Variants in SLCO5A1 observed in about 807,000 individuals in gnomAD.
SLCO5A1 encodes the protein solute carrier organic anion transporter family member 5A1.
A neutral mutation model predicts 65.1 loss-of-function variants in SLCO5A1; 39 were observed. The ratio of observed to expected loss-of-function variants is 0.60; its 90% confidence interval spans 0.46 to 0.78. SLCO5A1 has a LOEUF of 0.78. Among genes scored for constraint, SLCO5A1 ranks in the 30% least tolerant of loss-of-function variants. SLCO5A1 has a pLI of 0.00. For missense variants in SLCO5A1, 1,029 were observed against 1,069.4 expected (o/e 0.96, Z 0.53); for synonymous variants, 438 against 415.7 (o/e 1.05, Z -0.65).
chr8:69,727,537 C>T, intron 5 of SLCO5A1, among the ~76,000 whole-genome samples: 1 of 152,174 alleles, frequency 6.6e-6, no homozygotes, highest in Non-Finnish European at 1.5e-5. Flanking sequence ...ATCAACTCTT[C>T]ACTGGAGAGA....
intron 5 of SLCO5A1, among the ~76,000 whole-genome samples, chr8:69,708,525 A>T (rs1187633018): frequency 6.6e-6 from 1 of 151,142 alleles, no homozygotes; most frequent in Non-Finnish European, 1.5e-5. Context: ...GTGCCATTGC[A>T]CTCCAGACTG....
chr8:69,766,908 A>C (rs1173634710), intron 2 of SLCO5A1, among the ~76,000 whole-genome samples: 1 of 152,190 alleles, frequency 6.6e-6, no homozygotes, highest in South Asian at 2.1e-4. Context: ...CACTGCTCCC[A>C]TTCAGCCAGT....
intron 2 of SLCO5A1, among the ~76,000 whole-genome samples, chr8:69,788,609 TATG>T (rs200199233): frequency 0.012 from 1,753 of 152,298 alleles, 28 homozygotes; most frequent in African/African-American, 0.038. Flanking sequence ...GCTAGAGTGA[TATG>T]ATAATCACCC....
intron 2 of SLCO5A1, among the ~76,000 whole-genome samples, chr8:69,795,858 G>T (rs538553614): frequency 5.7e-4 from 87 of 152,350 alleles, no homozygotes; most frequent in Admixed American, 1.7e-3. Context: ...CTGAAATCTA[G>T]GTGGAGGCTC....
chr8:69,722,137 C>G (rs1333309885), intron 5 of SLCO5A1, among the ~76,000 whole-genome samples: 1 of 152,122 alleles, frequency 6.6e-6, no homozygotes, highest in Non-Finnish European at 1.5e-5. Flanking sequence ...TACCACTGCT[C>G]TGCAGCCTGG....
rs367594591 is a variant in SLCO5A1 at position 69,792,346 on chromosome 8, A to C, written c.908-30471T>G. 2.0e-5 allele frequency among the ~76,000 whole-genome samples: 3 copies of C among 152,294 alleles called. No homozygotes were observed. In the East Asian group the frequency reaches 5.8e-4, roughly 29 times the overall value. On this transcript the variant is annotated intron_variant, in intron 2 of 9. Coordinates refer to ENST00000260126, the MANE Select transcript of SLCO5A1 (RefSeq NM_030958.3). ...GGCATAAAGGGGGCAGGAGGGCAAAAGTGCTCCTGTACAGAAATATGGTAG... is the reference window on the plus strand; with the variant it reads ...GGCATAAAGGGGGCAGGAGGGCAAACGTGCTCCTGTACAGAAATATGGTAG...
intron 2 of SLCO5A1, among the ~76,000 whole-genome samples, chr8:69,796,529 T>C (rs1819507237): frequency 6.6e-6 from 1 of 152,004 alleles, no homozygotes; most frequent in South Asian, 2.1e-4. Context: ...GGTGGGAGGA[T>C]CACCTGAGCC....
At chr8:69,782,214 C>A (rs917883017) in intron 2 of SLCO5A1, among the ~76,000 whole-genome samples, 1 of 151,606 alleles carries the variant, frequency 6.6e-6, no homozygotes, top group Admixed American at 6.6e-5. Context: ...CACATGTATC[C>A]CAGAACTTAA....
In SLCO5A1 at chr8:69,761,846, G is replaced by A; in HGVS notation, c.937C>T (p.Pro313Ser). 6.2e-7 allele frequency: 1 copy of A among 1,613,696 alleles called. No homozygotes were observed. The change falls in exon 3 of 10, where the codon CCT (proline) becomes TCT (serine). Residue 313 changes from proline (P) to serine (S), a missense_variant. Transcript: ENST00000260126. ...CCACCTAATAAATATCCCACTGCAG[G>A]GCCAAGTGCTCCCATGACATACATG... Reference protein sequence around the residue: ...AIMYVMGALGPAVGYLLGGLL... With the variant: ...AIMYVMGALGSAVGYLLGGLL...
intron 2 of SLCO5A1, among the ~76,000 whole-genome samples, chr8:69,825,549 A>G (rs960913020): frequency 9.8e-5 from 15 of 152,356 alleles, no homozygotes; most frequent in African/African-American, 3.4e-4. Context: ...AGAGAATAAA[A>G]TACCTAGGAA....
Position 69,772,481 on chromosome 8 carries a change from A to G in SLCO5A1, c.908-10606T>C, listed in dbSNP as rs572469926. On this transcript the variant is annotated intron_variant, in intron 2 of 9. Coordinates refer to ENST00000260126, the MANE Select transcript of SLCO5A1 (RefSeq NM_030958.3). ...ATGGGGGTTGAGGCTGCAGTGAGCT[A>G]TAATTGCACCACTGTTCTTCAGCCT... Among the ~76,000 whole-genome samples, 6 of 151,468 alleles carry G rather than the reference A, an allele frequency of 4.0e-5. No individual in the cohort carries two copies. The South Asian group carries it at 1.0e-3, about 27-fold the overall frequency.
At chr8:69,758,706 A>G (rs1586765540) in intron 3 of SLCO5A1, among the ~76,000 whole-genome samples, 1 of 152,208 alleles carries the variant, frequency 6.6e-6, no homozygotes, top group East Asian at 1.9e-4. Context: ...AACAGTCTCA[A>G]ATAACATCGA....
intron 2 of SLCO5A1, among the ~76,000 whole-genome samples, chr8:69,791,182 C>T (rs1819253049): frequency 6.6e-6 from 1 of 152,182 alleles, no homozygotes; most frequent in African/African-American, 2.4e-5. Flanking sequence ...CTGATCACAT[C>T]CCCTTCCTCC....
chr8:69,701,790 G>A lies in SLCO5A1; in HGVS notation c.1622+3241C>T, dbSNP rs146584976. On this transcript the variant is annotated intron_variant, in intron 6 of 9. Coordinates refer to ENST00000260126, the MANE Select transcript of SLCO5A1 (RefSeq NM_030958.3). ...GGCACATGTTCTCAGGACCTCCTGA[G>A]GGCTGTGTCCCAGGCCATAGTCATT... is the stretch of plus-strand genomic sequence containing the variant. 6.4e-4 allele frequency among the ~76,000 whole-genome samples: 98 copies of A among 152,318 alleles called. 1 individual carries two copies. In the East Asian group the frequency reaches 0.018, roughly 28 times the overall value.
intron 2 of SLCO5A1, among the ~76,000 whole-genome samples, chr8:69,817,296 C>T (rs1229660913): frequency 6.6e-6 from 1 of 152,186 alleles, no homozygotes; most frequent in Non-Finnish European, 1.5e-5. Flanking sequence ...ATCCTCAAGG[C>T]TAATTCATGT....
chr8:69,777,041 T>G (rs1563718156), intron 2 of SLCO5A1, among the ~76,000 whole-genome samples: 1 of 152,204 alleles, frequency 6.6e-6, no homozygotes, highest in Non-Finnish European at 1.5e-5. Context: ...ATCACTTGAT[T>G]CAACCATTCC....
chr8:69,711,493 G>A (rs937892608), intron 5 of SLCO5A1, among the ~76,000 whole-genome samples: 1 of 152,218 alleles, frequency 6.6e-6, no homozygotes, highest in African/African-American at 2.4e-5. Flanking sequence ...ACTTCCATAT[G>A]TTCGGTGGGG....
intron 9 of SLCO5A1, among the ~76,000 whole-genome samples, chr8:69,675,326 C>T (rs1276173194): frequency 6.6e-6 from 1 of 151,720 alleles, no homozygotes; most frequent in Non-Finnish European, 1.5e-5. Context: ...AGGTAGGCAC[C>T]ACCACACCCA....
chr8:69,726,072 G>T (rs1308225162), intron 5 of SLCO5A1, among the ~76,000 whole-genome samples: 1 of 152,196 alleles, frequency 6.6e-6, no homozygotes, highest in African/African-American at 2.4e-5. Flanking sequence ...GTTTGTCTTT[G>T]TTTTTCAGTG....
Sources: gnomAD v4.1 joint callset for allele counts (sites outside exome capture counted in the v4.1 genomes callset) on GRCh38, gnomAD v4.1.1 for gene constraint, MANE v1.5 for transcripts, NCBI Gene and HGNC (gene_info 2026-07-23, HGNC 2026-07-21) for gene names.